The following ZNF487 variants were observed in gnomAD, a reference collection of about 807,000 sequenced individuals.
ZNF487 encodes the protein KRAB domain only 1.
ZNF487 carries 4 observed loss-of-function variants against 3.0 expected under a neutral mutation model. The ratio of observed to expected loss-of-function variants is 1.35; its 90% CI spans 0.66 to 3.08. The LOEUF is 3.08. Among genes scored for constraint, ZNF487 ranks in the 30% most tolerant of loss-of-function variants. The pLI is 0.01. For synonymous variants in ZNF487, 55 were observed against 34.6 expected (o/e 1.59, Z -2.06); for missense variants, 146 against 98.7 (o/e 1.48, Z -2.03).
chr10:43,463,887 T>C (rs1188903759), intron 1 of ZNF487, among the ~76,000 whole-genome samples: 1 of 152,056 alleles, frequency 6.6e-6, no homozygotes, highest in Non-Finnish European at 1.5e-5. Flanking sequence ...AATTAACAAA[T>C]GTTGCCTGTG....
intron 1 of ZNF487, among the ~76,000 whole-genome samples, chr10:43,445,974 T>G (rs1356139672): frequency 6.6e-6 from 1 of 152,148 alleles, no homozygotes; most frequent in Non-Finnish European, 1.5e-5. Context: ...CAGCACATGT[T>G]TCAGAGAGCA....
intron 3 of ZNF487, among the ~76,000 whole-genome samples, chr10:43,478,683 C>T (rs1841194434): frequency 6.6e-6 from 1 of 152,154 alleles, no homozygotes; most frequent in African/African-American, 2.4e-5. Flanking sequence ...CATGCCACTG[C>T]ATTCCAGTCT....
the ZNF487 span, among the ~76,000 whole-genome samples, chr10:43,491,218 C>T: frequency 2.1e-3 from 326 of 151,832 alleles, 3 homozygotes; most frequent in Non-Finnish European, 3.4e-3. Context: ...AGGTGATTCA[C>T]CCGCCTCAGC....
the ZNF487 span, among the ~76,000 whole-genome samples, chr10:43,494,438 AC>A: frequency 6.6e-6 from 1 of 152,080 alleles, no homozygotes; most frequent in Admixed American, 6.5e-5. Flanking sequence ...GCCGGTTCTT[AC>A]ACCTGAATGT....
intron 1 of ZNF487, among the ~76,000 whole-genome samples, chr10:43,457,785 G>A (rs1840271752): frequency 6.6e-6 from 1 of 151,962 alleles, no homozygotes; most frequent in East Asian, 1.9e-4. Context: ...CACTTTGGGA[G>A]GCCGAGGCGG....
downstream of ZNF487, among the ~76,000 whole-genome samples, chr10:43,486,209 G>T (rs1223402747): frequency 6.6e-6 from 1 of 152,136 alleles, no homozygotes; most frequent in Non-Finnish European, 1.5e-5. Flanking sequence ...CAGCCATATT[G>T]TTTCTTAAAA....
the ZNF487 span, among the ~76,000 whole-genome samples, chr10:43,513,477 T>C: frequency 6.6e-6 from 1 of 152,258 alleles, no homozygotes. Context: ...ACAGGCTAAA[T>C]GGGAGAGCTG....
the ZNF487 span, among the ~76,000 whole-genome samples, chr10:43,509,645 G>A: frequency 6.6e-6 from 1 of 151,932 alleles, no homozygotes. Flanking sequence ...ATGGGAGAAA[G>A]ATGTAGGCGG....
rs538824992 is a variant in ZNF487 at position 43,446,902 on chromosome 10, A to T, written c.-94+9640A>T. Among the ~76,000 whole-genome samples, 199 of 152,282 alleles carry T rather than the reference A, an allele frequency of 1.3e-3. 1 individual carries two copies. The highest frequency in any genetic ancestry group is 4.2e-3 in the African/African-American group (176 of 41,578). On this transcript the variant is annotated intron_variant, in intron 1 of 3. Transcript: ENST00000437590. ...ACGCCACTGCACTCCAGCCTGGGCA[A>T]CATTGAGCACTGAGTGAGCGAGACT...
At chr10:43,503,885 G>C in the ZNF487 span, among the ~76,000 whole-genome samples, 1 of 152,148 alleles carries the variant, frequency 6.6e-6, no homozygotes, top group Admixed American at 6.6e-5. Context: ...TGGGATTACA[G>C]GTGTGAGCCA....
At chr10:43,475,139 TG>T (rs1304116540) in intron 1 of ZNF487, among the ~76,000 whole-genome samples, 1 of 152,146 alleles carries the variant, frequency 6.6e-6, no homozygotes, top group Non-Finnish European at 1.5e-5. Context: ...TAAACACTTG[TG>T]GGGTTGGTTG....
chr10:43,498,891 G>A, the ZNF487 span, among the ~76,000 whole-genome samples: 2 of 150,480 alleles, frequency 1.3e-5, no homozygotes, highest in South Asian at 2.1e-4. Flanking sequence ...GTAGTGAGCC[G>A]AGATCGCGCC....
chr10:43,493,709 A>AATATAT, the ZNF487 span, among the ~76,000 whole-genome samples: 9 of 43,678 alleles, frequency 2.1e-4, no homozygotes, highest in African/African-American at 7.8e-4. Context: ...AAAAAAAAAA[A>AATATAT]ATATATATAT....
At chr10:43,462,010 AGGTT>A (rs1332465171) in intron 1 of ZNF487, among the ~76,000 whole-genome samples, 1 of 152,144 alleles carries the variant, frequency 6.6e-6, no homozygotes, top group Non-Finnish European at 1.5e-5. Context: ...TTTATCTCCA[AGGTT>A]GGTCTGTAGT....
At chr10:43,493,695 G>GAAAAAAAAAAAAA in the ZNF487 span, among the ~76,000 whole-genome samples, 1 of 41,268 alleles carries the variant, frequency 2.4e-5, no homozygotes, top group African/African-American at 9.5e-5. Flanking sequence ...CTCAAAAAAA[G>GAAAAAAAAAAAAA]AAAAAAAAAA....
intron 1 of ZNF487, among the ~76,000 whole-genome samples, chr10:43,444,903 A>G (rs535979503): frequency 3.3e-5 from 5 of 152,216 alleles, no homozygotes; most frequent in South Asian, 2.1e-4. Context: ...AAGGGTAGAA[A>G]GATTTAGGCC....
At chr10:43,437,012 T>C (rs546208075), upstream of ZNF487, 6 of 383,518 alleles carry the variant, frequency 1.6e-5, no homozygotes, top group East Asian at 4.6e-4. Flanking sequence ...GAGCCCCCGC[T>C]AGGCACGCGG....
At chr10:43,505,430 G>T in the ZNF487 span, among the ~76,000 whole-genome samples, 1 of 149,342 alleles carries the variant, frequency 6.7e-6, no homozygotes, top group Non-Finnish European at 1.5e-5. Flanking sequence ...GATTACAGGT[G>T]TGCACCACCA....
At chr10:43,494,414 G>T in the ZNF487 span, among the ~76,000 whole-genome samples, 11 of 152,218 alleles carry the variant, frequency 7.2e-5, no homozygotes, top group Non-Finnish European at 1.3e-4. Context: ...GCTGTGAATT[G>T]CTTGCCAACT....
Sources: allele counts gnomAD v4.1 joint callset (sites outside exome capture counted in the v4.1 genomes callset), GRCh38; gene constraint gnomAD v4.1.1; transcripts MANE v1.5; gene names NCBI Gene and HGNC (gene_info 2026-07-23, HGNC 2026-07-21).